KCNMA1: variants seen among roughly 807,000 people sequenced by gnomAD.
The protein encoded by KCNMA1 is Calcium-activated potassium channel subunit alpha-1.
A neutral mutation model predicts 140.0 loss-of-function variants in KCNMA1; 29 were observed. The observed-to-expected ratio is 0.21, with a 90% CI of 0.15 to 0.28. The LOEUF is 0.28. KCNMA1 is among the 10% of genes least tolerant of loss of function. The probability of loss-of-function intolerance (pLI) is 1.00; values close to 1 mark genes in which losing one functional copy is unlikely to be tolerated. For missense variants in KCNMA1, 880 were observed against 1,602.2 expected (o/e 0.55, Z 7.70); for synonymous variants, 612 against 611.9 (o/e 1.00, Z 0.00).
intron 14 of KCNMA1, among the ~76,000 whole-genome samples, chr10:77,042,152 G>GAC (rs745520112): frequency 3.9e-5 from 6 of 151,966 alleles, no homozygotes; most frequent in Non-Finnish European, 7.4e-5. Flanking sequence ...TCTACAAATT[G>GAC]GCCTTCCCCA....
intron 1 of KCNMA1, among the ~76,000 whole-genome samples, chr10:77,588,966 G>A (rs1049111882): frequency 2.0e-5 from 3 of 152,250 alleles, no homozygotes; most frequent in Non-Finnish European, 4.4e-5. Flanking sequence ...GAACCGGATA[G>A]TGAATACTTC....
chr10:77,572,073 T>C (rs576487096), intron 1 of KCNMA1, among the ~76,000 whole-genome samples: 11 of 152,156 alleles, frequency 7.2e-5, no homozygotes, highest in Non-Finnish European at 1.5e-4. Context: ...TGGGAAATAT[T>C]AGAACAGAGC....
At chr10:76,935,112 T>C (rs1270027195) in intron 23 of KCNMA1, among the ~76,000 whole-genome samples, 1 of 152,070 alleles carries the variant, frequency 6.6e-6, no homozygotes, top group African/African-American at 2.4e-5. Context: ...ATTTGTCCAG[T>C]GGTAGTAGCA....
At chr10:77,269,928 T>G (rs1437454907) in intron 2 of KCNMA1, among the ~76,000 whole-genome samples, 1 of 152,162 alleles carries the variant, frequency 6.6e-6, no homozygotes, top group Non-Finnish European at 1.5e-5. Flanking sequence ...TACAGGTAAG[T>G]AGAGGCTGGG....
chr10:77,546,439 G>C (rs950868508), intron 1 of KCNMA1, among the ~76,000 whole-genome samples: 1 of 151,634 alleles, frequency 6.6e-6, no homozygotes, highest in Non-Finnish European at 1.5e-5. Flanking sequence ...GGGGCCTTGT[G>C]TAGGGGACCA....
At chr10:77,009,158 G>A (rs190249575) in intron 18 of KCNMA1, among the ~76,000 whole-genome samples, 275 of 152,280 alleles carry the variant, frequency 1.8e-3, no homozygotes, top group Non-Finnish European at 3.4e-3. Context: ...AGAAGGAAGC[G>A]AGGCCCTTGT....
chr10:76,958,982 A>T (rs1348650982), intron 20 of KCNMA1, among the ~76,000 whole-genome samples: 2 of 152,006 alleles, frequency 1.3e-5, no homozygotes, highest in African/African-American at 4.8e-5. Context: ...TGTCCATTTA[A>T]GGGGGGGAAA....
intron 9 of KCNMA1, among the ~76,000 whole-genome samples, chr10:77,097,005 C>A (rs150783941): frequency 6.6e-6 from 1 of 152,102 alleles, no homozygotes; most frequent in Admixed American, 6.5e-5. Flanking sequence ...AGAGACCCAA[C>A]GACCTAAACC....
chr10:77,546,351 C>G (rs2061452749), intron 1 of KCNMA1, among the ~76,000 whole-genome samples: 1 of 147,356 alleles, frequency 6.8e-6, no homozygotes, highest in African/African-American at 2.5e-5. Context: ...CCCTCCAGCC[C>G]CACCGAGAAG....
intron 2 of KCNMA1, among the ~76,000 whole-genome samples, chr10:77,291,740 A>C (rs2073334012): frequency 6.6e-6 from 1 of 152,198 alleles, no homozygotes; most frequent in Non-Finnish European, 1.5e-5. Flanking sequence ...TCTGGGGGAA[A>C]AGGAGTGAAC....
intron 1 of KCNMA1, among the ~76,000 whole-genome samples, chr10:77,439,008 C>T (rs368801477): frequency 6.7e-6 from 1 of 148,576 alleles, no homozygotes; most frequent in African/African-American, 2.5e-5. Context: ...CCCGGGAGGC[C>T]GAGGCCGAGC....
At chr10:77,432,995 A>C (rs2097183829) in intron 1 of KCNMA1, among the ~76,000 whole-genome samples, 1 of 152,118 alleles carries the variant, frequency 6.6e-6, no homozygotes, top group Non-Finnish European at 1.5e-5. Flanking sequence ...AAGATCACGG[A>C]TATCTGTTCA....
chr10:77,185,971 C>G (rs369825063), intron 3 of KCNMA1, among the ~76,000 whole-genome samples: 1 of 152,092 alleles, frequency 6.6e-6, no homozygotes, highest in Non-Finnish European at 1.5e-5. Context: ...TAAAGGGAAG[C>G]GACAGACCTC....
chr10:76,965,011 T>C (rs1225331769), intron 20 of KCNMA1, among the ~76,000 whole-genome samples: 1 of 152,224 alleles, frequency 6.6e-6, no homozygotes, highest in Admixed American at 6.5e-5. Flanking sequence ...ACATCCTATG[T>C]AAATCCTAAC....
At chr10:77,334,685 C>CA (rs2088075156) in intron 2 of KCNMA1, among the ~76,000 whole-genome samples, 1 of 152,166 alleles carries the variant, frequency 6.6e-6, no homozygotes, top group African/African-American at 2.4e-5. Context: ...CATATTTACA[C>CA]ATGAAACATA....
chr10:77,187,844 G>A (rs995297139), intron 3 of KCNMA1, among the ~76,000 whole-genome samples: 1 of 152,092 alleles, frequency 6.6e-6, no homozygotes. Context: ...AGTCCTCTGA[G>A]TGCCTGTAGT....
At chr10:77,404,882 G>T (rs1009442536) in intron 1 of KCNMA1, among the ~76,000 whole-genome samples, 9 of 149,044 alleles carry the variant, frequency 6.0e-5, no homozygotes, top group Middle Eastern at 3.4e-3. Flanking sequence ...ACATTTGCAG[G>T]AAAGAATAGG....
intron 1 of KCNMA1, among the ~76,000 whole-genome samples, chr10:77,471,630 T>C (rs918055148): frequency 7.2e-6 from 1 of 138,902 alleles, no homozygotes; most frequent in Non-Finnish European, 1.6e-5. Flanking sequence ...ACATACATAA[T>C]ACACACCCAA....
At position 77,439,823 on chromosome 10, in the gene KCNMA1, G is replaced by A. The variant is rs76697480; in HGVS notation, c.379-35800C>T. Among the ~76,000 whole-genome samples the A allele has an allele frequency of 1.6e-3, 246 of 152,258 alleles. 2 individuals are homozygous for A. The highest frequency in any genetic ancestry group is 5.6e-3 in the African/African-American group (232 of 41,516). On this transcript the variant is annotated intron_variant, in intron 1 of 27. Transcript: ENST00000286628. ...GAGGTTTCCCACCTGGGGCCTCTTC[G>A]TACACCTCAAGGGGATACCATGCCC...
Sources: allele counts gnomAD v4.1 joint callset (sites outside exome capture counted in the v4.1 genomes callset), GRCh38; gene constraint gnomAD v4.1.1; transcripts MANE v1.5; gene names NCBI Gene and HGNC (gene_info 2026-07-23, HGNC 2026-07-21).